The following CYP4A11 variants were observed in gnomAD, a reference collection of about 807,000 sequenced individuals.
The protein encoded by CYP4A11 is cytochrome P450 4A11.
A neutral mutation model predicts 57.7 loss-of-function variants in CYP4A11; 52 were observed. The observed-to-expected ratio is 0.90, with a 90% CI of 0.72 to 1.14. The LOEUF (loss-of-function observed/expected upper bound fraction) is 1.14. Ranked by LOEUF, CYP4A11 falls within the 50% of genes most tolerant of loss-of-function variation. CYP4A11 has a pLI of 0.00. For missense variants in CYP4A11, 641 were observed against 642.1 expected (o/e 1.00, Z 0.02); for synonymous variants, 228 against 247.1 (o/e 0.92, Z 0.72).
Position 46,940,892 on chromosome 1 carries a change from G to A in CYP4A11, c.195+347C>T, listed in dbSNP as rs1477631408. The A allele has an allele frequency of 3.0e-6, 3 of 985,268 alleles. No individual in the cohort carries two copies. The African/African-American group carries it at 5.2e-5, about 17-fold the overall frequency. 61.0% of individuals were successfully genotyped at this position (985,268 alleles called of 1,614,324 possible). ...CAGAGTGATGGCATTGAGTGACTGG[G>A]CAGAGAGCATCTAGAAGCCTTGTTC... On this transcript the variant is annotated intron_variant, in intron 1 of 11. Coordinates refer to ENST00000310638, the MANE Select transcript of CYP4A11 (RefSeq NM_000778.4).
In CYP4A11 at chr1:46,934,272, G is replaced by A. The variant is rs141672858; in HGVS notation, c.992C>T (p.Ser331Phe). ...TGTGGCCAGAGCATAGAGGATCCAGGAGATCCCACTGGCTGTGGTGTCGTG... is the reference window on the plus strand; with the variant it reads ...TGTGGCCAGAGCATAGAGGATCCAGAAGATCCCACTGGCTGTGGTGTCGTG... ...EGHDTTASGI[S>F]WILYALATHP... Residue 331 changes from serine (S) to phenylalanine (F), a missense_variant, in exon 8 of 12, where the codon TCC becomes TTC. Transcript: ENST00000310638. The A allele has an allele frequency of 1.0e-3, 1,615 of 1,612,788 alleles. 4 individuals carry two copies. Among genetic ancestry groups the A allele is most frequent in the Middle Eastern group, 1.5e-3 (9 of 6,076 alleles).
chr1:46,939,408 T>C (rs1290865679), intron 1 of CYP4A11, among the ~76,000 whole-genome samples: 1 of 152,022 alleles, frequency 6.6e-6, no homozygotes, highest in Non-Finnish European at 1.5e-5. Context: ...GGCTGTGCAG[T>C]AGGGGATAAT....
At chr1:46,939,908 G>T (rs1464651822) in intron 1 of CYP4A11, among the ~76,000 whole-genome samples, 1 of 145,416 alleles carries the variant, frequency 6.9e-6, no homozygotes, top group Non-Finnish European at 1.5e-5. Flanking sequence ...TTAGAACTTT[G>T]GCAGGTCCCC....
chr1:46,937,545 T>C (rs1417462660), intron 2 of CYP4A11, among the ~76,000 whole-genome samples, 199 bp from the exon 3 acceptor site: 2 of 152,146 alleles, frequency 1.3e-5, no homozygotes, highest in Non-Finnish European at 1.5e-5. Flanking sequence ...CAGGAAAACA[T>C]CCAGAGGGTT....
At chr1:46,932,674 A>G in intron 11 of CYP4A11, 87 bp downstream of exon 11, 1 of 1,610,608 alleles carries the variant, frequency 6.2e-7, no homozygotes, top group Admixed American at 1.7e-5. Flanking sequence ...AAGATGCCAC[A>G]TATGAACATC....
chr1:46,933,114 A>G, intron 9 of CYP4A11, 67 bp from the exon 10 acceptor site: 2 of 1,594,158 alleles, frequency 1.3e-6, no homozygotes, highest in Non-Finnish European at 1.7e-6. Flanking sequence ...TACTTCAGCC[A>G]GCAGGCACAA....
rs545335072 is a variant in CYP4A11, at chr1:46,935,404, C to T, written c.635+119G>A. ...GTCTGGACTGGAATTAGAGTTTGGT[C>T]AGGGACTGACTCTTCCTTTGTGTGG... is the stretch of plus-strand genomic sequence containing the variant. On this transcript the variant is annotated intron_variant, in intron 5 of 11. Coordinates refer to ENST00000310638, the MANE Select transcript of CYP4A11 (RefSeq NM_000778.4). 5 of 1,515,260 alleles carry T rather than the reference C, an allele frequency of 3.3e-6. No individual in the cohort carries two copies. In the East Asian group the frequency reaches 9.1e-5, roughly 28 times the overall value. The allele number at this position is 1,515,260 out of a possible 1,614,324, so 93.9% of individuals were successfully genotyped here.
intron 4 of CYP4A11, among the ~76,000 whole-genome samples, chr1:46,935,874 A>G (rs931143832): frequency 1.3e-5 from 2 of 152,210 alleles, no homozygotes; most frequent in African/African-American, 4.8e-5. Flanking sequence ...ACAACATTCA[A>G]CAGATCCTCT....
At chr1:46,934,902 T>C (rs1681280257) in intron 6 of CYP4A11, 98 bp downstream of exon 6, 1 of 1,537,972 alleles carries the variant, frequency 6.5e-7, no homozygotes, top group Non-Finnish European at 8.8e-7. Flanking sequence ...TGTTCTGCGT[T>C]CTGCAGGGTT....
chr1:46,931,848 A>G lies in CYP4A11; in HGVS notation c.1364+913T>C, dbSNP rs756812804. On this transcript the variant is annotated intron_variant, in intron 11 of 11. Transcript: ENST00000310638. The stretch of plus-strand genomic sequence containing the variant: ...TCGTTTTTGCCTGTGTGTATGTCAC[A>G]GGACGATTCCTGATGCCACAATGAT... The G allele has an allele frequency of 2.0e-4, 174 of 889,322 alleles. No individual in the cohort carries two copies. In the South Asian group the frequency reaches 3.6e-3, roughly 19 times the overall value. The allele number at this position is 889,322 out of a possible 1,614,324, so 55.1% of individuals were successfully genotyped here.
intron 6 of CYP4A11, 148 bp downstream of exon 6, chr1:46,934,852 G>T: frequency 7.2e-7 from 1 of 1,396,664 alleles, no homozygotes; most frequent in South Asian, 1.4e-5. Context: ...TCACATCTCA[G>T]CTCCCAGCCC....
intron 11 of CYP4A11, chr1:46,932,169 A>C (rs1469671572): frequency 4.0e-6 from 4 of 988,426 alleles, no homozygotes; most frequent in East Asian, 1.1e-4. Context: ...TGGGCAAGAC[A>C]GAAGAATGTA....
chr1:46,941,025 C>T (rs974846031), intron 1 of CYP4A11: 100 of 981,020 alleles, frequency 1.0e-4, no homozygotes, highest in Non-Finnish European at 5.8e-5. Flanking sequence ...AAGGAGGGCA[C>T]GGGTGATAGA....
intron 11 of CYP4A11, chr1:46,931,868 A>G (rs1681049485): frequency 1.1e-6 from 1 of 934,506 alleles, no homozygotes; most frequent in Non-Finnish European, 1.3e-6. Flanking sequence ...CTGATGCCAC[A>G]ATGATCTCCA....
chr1:46,936,820 TG>T (rs1404445112), intron 3 of CYP4A11, 29 bp from the exon 4 acceptor site: 25 of 250,998 alleles, frequency 1.0e-4, no homozygotes, highest in Non-Finnish European at 1.6e-4. Flanking sequence ...TGTGTTTGTG[TG>T]TGTGTGTGTG....
chr1:46,932,163 C>A, intron 11 of CYP4A11: 2 of 987,044 alleles, frequency 2.0e-6, no homozygotes, highest in Non-Finnish European at 2.4e-6. Context: ...TTTCATTGGG[C>A]AAGACAGAAG....
In CYP4A11 at chr1:46,933,094, G is replaced by C. The variant is rs762141038; in HGVS notation, c.1223-47C>G. The C allele has an allele frequency of 5.6e-6, 9 of 1,609,608 alleles. No homozygotes were observed. The African/African-American group carries it at 1.1e-4, about 19-fold the overall frequency. ...GAGAGAAGACCAATCATTTGCATGGGGTGGCCTGGTACTTCAGCCAGCAGG... is the reference window on the plus strand; with the variant it reads ...GAGAGAAGACCAATCATTTGCATGGCGTGGCCTGGTACTTCAGCCAGCAGG... On this transcript the variant is annotated intron_variant, in intron 9 of 11. Transcript: ENST00000310638.
chr1:46,939,194 G>A (rs9332997), intron 1 of CYP4A11, among the ~76,000 whole-genome samples: 2,703 of 152,270 alleles, frequency 0.018, 63 homozygotes, highest in African/African-American at 0.061. Context: ...CATAGGTATC[G>A]AATATCTGCC....
intron 4 of CYP4A11, 22 bp downstream of exon 4, chr1:46,936,642 G>A (rs1168096814): frequency 1.8e-5 from 28 of 1,568,670 alleles, no homozygotes; most frequent in Non-Finnish European, 2.4e-5. Context: ...GGTGTGGGGA[G>A]AGGAGAGAGA....
Sources: gnomAD v4.1 joint callset for allele counts (sites outside exome capture counted in the v4.1 genomes callset) on GRCh38, gnomAD v4.1.1 for gene constraint, MANE v1.5 for transcripts, NCBI Gene and HGNC (gene_info 2026-07-23, HGNC 2026-07-21) for gene names.